The following PRKN variants were observed in gnomAD, a reference collection of about 807,000 sequenced individuals.
PRKN encodes E3 ubiquitin-protein ligase parkin.
A neutral mutation model predicts 59.5 loss-of-function variants in PRKN; 56 were observed. That is an observed-to-expected ratio of 0.94 (90% CI 0.76 to 1.18). PRKN has a LOEUF of 1.18. Ranked by LOEUF, PRKN falls within the 50% of genes most tolerant of loss-of-function variation. PRKN has a pLI of 0.00. For missense variants in PRKN, 657 were observed against 596.4 expected (o/e 1.10, Z -1.06); for synonymous variants, 250 against 222.1 (o/e 1.13, Z -1.12).
intron 5 of PRKN, among the ~76,000 whole-genome samples, chr6:162,003,207 CAAA>C (rs60792069): frequency 0.014 from 1,717 of 124,982 alleles, 16 homozygotes; most frequent in East Asian, 0.023. Flanking sequence ...AGGTTGTTGA[CAAA>C]AAAAAAAAAA....
rs368687446 is a variant in PRKN at position 161,551,138 on chromosome 6, T to C, written c.934-2135A>G. Among the ~76,000 whole-genome samples the C allele has an allele frequency of 1.3e-5, 2 of 152,158 alleles. No individual in the cohort carries two copies. Among genetic ancestry groups the C allele is most frequent in the Non-Finnish European group, 1.5e-5 (1 of 68,028 alleles). On this transcript the variant is annotated intron_variant, in intron 8 of 11. Transcript: ENST00000366898. The surrounding 1 kb of genome is among the most constrained non-coding windows in gnomAD (Gnocchi z 5.2). ...GCTGTGCAATTACCAGAGGATACAA[T>C]GAAGATATTTCATCAGGTAATGAAT... is the stretch of plus-strand genomic sequence containing the variant.
At chr6:162,134,660 C>G (rs1163757764) in intron 4 of PRKN, among the ~76,000 whole-genome samples, 1 of 152,126 alleles carries the variant, frequency 6.6e-6, no homozygotes, top group African/African-American at 2.4e-5. Context: ...GGATTTGGAC[C>G]TGCTTCTCTT....
chr6:162,643,615 T>G (rs1048971602), intron 1 of PRKN, among the ~76,000 whole-genome samples: 1 of 152,102 alleles, frequency 6.6e-6, no homozygotes, highest in East Asian at 1.9e-4. Context: ...CTCTATCCAG[T>G]GTTCATAAGT....
At chr6:161,795,255 C>G (rs1287707462) in intron 6 of PRKN, among the ~76,000 whole-genome samples, 1 of 112,172 alleles carries the variant, frequency 8.9e-6, no homozygotes, top group Non-Finnish European at 1.8e-5. Context: ...TTTTCTGAGA[C>G]AGGGTCTCAC....
chr6:162,312,344 C>T (rs1782552167), intron 2 of PRKN, among the ~76,000 whole-genome samples: 2 of 152,096 alleles, frequency 1.3e-5, no homozygotes, highest in Non-Finnish European at 2.9e-5. Flanking sequence ...GCTGCCCTCA[C>T]TGTAACTGGC....
At chr6:162,339,819 T>C (rs1345436051) in intron 2 of PRKN, among the ~76,000 whole-genome samples, 2 of 149,606 alleles carry the variant, frequency 1.3e-5, no homozygotes, top group Non-Finnish European at 3.0e-5. Flanking sequence ...CTTGGGATCC[T>C]GTTGATCTGT....
Position 162,144,423 on chromosome 6 carries a change from T to C in PRKN, c.534+56708A>G, listed in dbSNP as rs151218718. ...CATTAATGAATTCTTATAATACCCTTGTAAGAAAGAATGGAGGCAGAGATT... is the reference window on the plus strand; with the variant it reads ...CATTAATGAATTCTTATAATACCCTCGTAAGAAAGAATGGAGGCAGAGATT... On this transcript the variant is annotated intron_variant, in intron 4 of 11. Coordinates refer to ENST00000366898, the MANE Select transcript of PRKN (RefSeq NM_004562.3). Among the ~76,000 whole-genome samples, 60 of 152,306 alleles carry C rather than the reference T, an allele frequency of 3.9e-4. No individual in the cohort carries two copies. In the East Asian group the frequency reaches 9.5e-3, roughly 24 times the overall value.
At chr6:161,537,990 T>C (rs750470143) in intron 9 of PRKN, among the ~76,000 whole-genome samples, 12 of 152,288 alleles carry the variant, frequency 7.9e-5, no homozygotes, top group Non-Finnish European at 1.5e-4. Flanking sequence ...CTCTGGTCAA[T>C]AACCAACACG....
rs1329818707 is a variant in PRKN, at chr6:161,405,218, G to A, written c.1084-18341C>T. Reference sequence around the variant, plus strand: ...TGACAAGATTTACAATGGGATTTGGGGGAAAAGTCATTAGTCGTCATTTGC... The same window carrying A: ...TGACAAGATTTACAATGGGATTTGGAGGAAAAGTCATTAGTCGTCATTTGC... On this transcript the variant is annotated intron_variant, in intron 9 of 11. Transcript: ENST00000366898. The surrounding 1 kb of genome is among the most constrained non-coding windows in gnomAD (Gnocchi z 5.1). Among the ~76,000 whole-genome samples, 1 of 152,156 alleles carries A rather than the reference G, an allele frequency of 6.6e-6. No individual in the cohort carries two copies. Among genetic ancestry groups the A allele is most frequent in the East Asian group, 1.9e-4 (1 of 5,194 alleles).
intron 1 of PRKN, among the ~76,000 whole-genome samples, chr6:162,725,676 T>C (rs909341012): frequency 2.0e-5 from 3 of 151,118 alleles, no homozygotes; most frequent in Admixed American, 6.6e-5. Flanking sequence ...GATGGGAGGA[T>C]CACTTGAGCC....
Position 162,029,146 on chromosome 6 carries a change from C to T in PRKN, c.618+24945G>A, listed in dbSNP as rs572073028. Among the ~76,000 whole-genome samples the T allele has an allele frequency of 1.4e-4, 21 of 152,270 alleles. No individual in the cohort carries two copies. The South Asian group carries it at 4.3e-3, about 32-fold the overall frequency. Reference sequence around the variant, plus strand: ...GTAGCTCCCAGTTCTCCCTGCACTTCAGAATCACCCAAGGAGCTCTGCAGA... The same window carrying T: ...GTAGCTCCCAGTTCTCCCTGCACTTTAGAATCACCCAAGGAGCTCTGCAGA... On this transcript the variant is annotated intron_variant, in intron 5 of 11. Transcript: ENST00000366898.
At chr6:161,784,769 T>C (rs1328199387) in intron 7 of PRKN, among the ~76,000 whole-genome samples, 4 of 152,132 alleles carry the variant, frequency 2.6e-5, no homozygotes, top group African/African-American at 7.2e-5. Context: ...ATATCCAAGG[T>C]AAATGAAAGC....
rs1452698459 is a variant in PRKN at position 161,579,193 on chromosome 6, A to C, written c.872-9777T>G. On this transcript the variant is annotated intron_variant, in intron 7 of 11. Transcript: ENST00000366898. This position sits in a 1 kb window ranked among gnomAD's most constrained non-coding sequence, Gnocchi z 4.2. ...TGCTCTCTTTAATATGTTTTTCCAC[A>C]GATTATGGTGGTTGGTTGGTTACCT... is the stretch of plus-strand genomic sequence containing the variant. Among the ~76,000 whole-genome samples, 2 of 152,182 alleles carry C rather than the reference A, an allele frequency of 1.3e-5. No homozygotes were observed. The highest frequency in any genetic ancestry group is 4.8e-5 in the African/African-American group (2 of 41,450).
At chr6:162,463,109 G>A (rs777219421) in intron 1 of PRKN, among the ~76,000 whole-genome samples, 3 of 151,874 alleles carry the variant, frequency 2.0e-5, no homozygotes, top group South Asian at 2.1e-4. Context: ...AAAAAACCAC[G>A]TCATCTTTGA....
intron 1 of PRKN, among the ~76,000 whole-genome samples, chr6:162,649,797 G>A (rs1202102818): frequency 6.6e-6 from 1 of 152,214 alleles, no homozygotes; most frequent in African/African-American, 2.4e-5. Flanking sequence ...TAAAGTGCAT[G>A]TAAAGTAAGT....
chr6:162,555,808 T>C (rs763273070), intron 1 of PRKN, among the ~76,000 whole-genome samples: 6 of 151,442 alleles, frequency 4.0e-5, no homozygotes, highest in South Asian at 2.1e-4. Flanking sequence ...CTGGCCAACA[T>C]GATAAAACCC....
intron 2 of PRKN, among the ~76,000 whole-genome samples, chr6:162,438,908 CCT>C (rs1273660164): frequency 1.3e-5 from 2 of 152,174 alleles, no homozygotes; most frequent in African/African-American, 4.8e-5. Context: ...CCAGGAATCC[CCT>C]GACACAAACT....
At chr6:161,999,804 C>T (rs192053519) in intron 5 of PRKN, among the ~76,000 whole-genome samples, 13 of 152,094 alleles carry the variant, frequency 8.5e-5, no homozygotes, top group African/African-American at 3.1e-4. Flanking sequence ...TTACTTGATG[C>T]ATATGGATGC....
intron 1 of PRKN, among the ~76,000 whole-genome samples, chr6:162,449,877 A>G (rs1229582510): frequency 1.3e-5 from 2 of 152,220 alleles, no homozygotes; most frequent in East Asian, 1.9e-4. Flanking sequence ...GTGAACAAAA[A>G]AAATGAAGAT....
Sources: allele counts gnomAD v4.1 joint callset (sites outside exome capture counted in the v4.1 genomes callset), GRCh38; gene constraint gnomAD v4.1.1; non-coding constraint Gnocchi (gnomAD v3.1); transcripts MANE v1.5; gene names NCBI Gene and HGNC (gene_info 2026-07-23, HGNC 2026-07-21).